Variants in ADK observed in about 807,000 individuals in gnomAD.
ADK encodes adenosine kinase.
A neutral mutation model predicts 44.7 loss-of-function variants in ADK; 24 were observed. That is an observed-to-expected ratio of 0.54 (90% CI 0.39 to 0.76). ADK has a LOEUF of 0.76. Ranked by LOEUF, ADK falls within the 30% of genes least tolerant of loss-of-function variation. The pLI, the probability that ADK is intolerant of heterozygous loss-of-function variation, is 0.00. For synonymous variants in ADK, 128 were observed against 142.6 expected, an observed-to-expected ratio of 0.90 and a Z score of 0.73; for missense variants, 321 against 425.1, an observed-to-expected ratio of 0.76 and a Z score of 2.15.
At chr10:74,301,211 T>C (rs1684655319) in intron 3 of ADK, among the ~76,000 whole-genome samples, 1 of 152,192 alleles carries the variant, frequency 6.6e-6, no homozygotes, top group Non-Finnish European at 1.5e-5. Flanking sequence ...TGCGATCAAT[T>C]TTGATTGATA....
At chr10:74,599,750 T>A (rs1852051788) in intron 8 of ADK, among the ~76,000 whole-genome samples, 2 of 152,188 alleles carry the variant, frequency 1.3e-5, no homozygotes, top group Admixed American at 6.5e-5. Context: ...AGTTTGACAA[T>A]TAGTTTGTCA....
rs796817586 is a variant in ADK at position 74,514,792 on chromosome 10, T to C, written c.556-10464T>C. On this transcript the variant is annotated intron_variant, in intron 6 of 10. Coordinates refer to ENST00000539909, the MANE Select transcript of ADK (RefSeq NM_006721.4). ...GAGTCTGTTACTAGATAATTATTGT[T>C]TTCCTTTTGACATTACATGTTTTCT... Among the ~76,000 whole-genome samples the C allele has an allele frequency of 3.9e-5, 6 of 152,298 alleles. No individual in the cohort carries two copies. In the South Asian group the frequency reaches 6.2e-4, roughly 16 times the overall value.
intron 10 of ADK, among the ~76,000 whole-genome samples, chr10:74,683,530 CAGATA>C (rs1349781538): frequency 6.6e-6 from 1 of 152,118 alleles, no homozygotes; most frequent in Non-Finnish European, 1.5e-5. Flanking sequence ...ACAGGTATTC[CAGATA>C]ACTTGGATAG....
chr10:74,161,095 A>C (rs1210560038), intron 1 of ADK, among the ~76,000 whole-genome samples: 1 of 152,154 alleles, frequency 6.6e-6, no homozygotes, highest in African/African-American at 2.4e-5. Flanking sequence ...GTTTTATCTC[A>C]CCTATTGCTA....
chr10:74,673,396 G>T (rs1459966511), intron 10 of ADK, among the ~76,000 whole-genome samples: 1 of 152,190 alleles, frequency 6.6e-6, no homozygotes, highest in East Asian at 1.9e-4. Flanking sequence ...CAGTGTGTGG[G>T]CGCAGGAACT....
chr10:74,504,844 C>T (rs577317619), intron 6 of ADK, among the ~76,000 whole-genome samples: 105 of 152,242 alleles, frequency 6.9e-4, no homozygotes, highest in Middle Eastern at 3.4e-3. Context: ...CCCCTTCTGC[C>T]ATGATTGTGT....
intron 7 of ADK, among the ~76,000 whole-genome samples, chr10:74,526,391 T>C (rs935550345): frequency 5.9e-5 from 9 of 152,194 alleles, no homozygotes; most frequent in African/African-American, 2.2e-4. Flanking sequence ...TATACCTCTT[T>C]AAAAATCCAT....
At chr10:74,502,090 A>G (rs2133452788) in intron 6 of ADK, among the ~76,000 whole-genome samples, 1 of 152,256 alleles carries the variant, frequency 6.6e-6, no homozygotes, top group East Asian at 1.9e-4. Flanking sequence ...CACAAATGAA[A>G]AAACTAAAAC....
chr10:74,158,006 A>T (rs530196417), intron 1 of ADK, among the ~76,000 whole-genome samples: 1 of 152,256 alleles, frequency 6.6e-6, no homozygotes, highest in South Asian at 2.1e-4. Context: ...TTTAAGAAAG[A>T]CCAGTTCTCA....
At chr10:74,426,305 G>A (rs1006643028) in intron 6 of ADK, among the ~76,000 whole-genome samples, 2 of 152,100 alleles carry the variant, frequency 1.3e-5, no homozygotes, top group Non-Finnish European at 2.9e-5. Flanking sequence ...AAATAATTTT[G>A]TGAAGGTTAT....
At chr10:74,170,817 A>T (rs1842143460) in intron 1 of ADK, among the ~76,000 whole-genome samples, 1 of 150,808 alleles carries the variant, frequency 6.6e-6, no homozygotes, top group Admixed American at 6.6e-5. Flanking sequence ...AAAAAAAAAG[A>T]AAAAAGATAG....
intron 1 of ADK, 27 bp downstream of exon 1, chr10:74,151,370 G>C: frequency 1.3e-6 from 2 of 1,549,270 alleles, no homozygotes; most frequent in Non-Finnish European, 1.7e-6. Flanking sequence ...TTGGGGAGGA[G>C]GGTGACGGCG....
intron 6 of ADK, among the ~76,000 whole-genome samples, chr10:74,492,006 A>T (rs964069210): frequency 6.6e-6 from 1 of 152,158 alleles, no homozygotes; most frequent in Non-Finnish European, 1.5e-5. Flanking sequence ...AGTTTAATGA[A>T]TTCCCATATG....
intron 3 of ADK, among the ~76,000 whole-genome samples, chr10:74,247,690 T>C (rs1350824340): frequency 2.6e-5 from 4 of 152,094 alleles, no homozygotes; most frequent in Admixed American, 2.6e-4. Flanking sequence ...TAAAATGGTG[T>C]TTTTTTAAAC....
intron 6 of ADK, among the ~76,000 whole-genome samples, chr10:74,459,621 C>T (rs917637737): frequency 4.1e-5 from 6 of 148,092 alleles, no homozygotes; most frequent in Non-Finnish European, 4.5e-5. Flanking sequence ...CCCACCTGCT[C>T]GGGAGGCTGA....
rs200685340 is a variant in ADK at position 74,370,198 on chromosome 10, A to G, written c.274-23943A>G. 3.9e-5 allele frequency among the ~76,000 whole-genome samples: 6 copies of G among 152,230 alleles called. No homozygotes were observed. The East Asian group carries it at 1.2e-3, about 29-fold the overall frequency. ...AATTGATTAATTGTGCATCAGCTAT[A>G]TACATAAGCCAAAACTTAAACAATT... On this transcript the variant is annotated intron_variant, in intron 4 of 10. Coordinates refer to ENST00000539909, the MANE Select transcript of ADK (RefSeq NM_006721.4).
At chr10:74,568,002 TTC>T (rs751738230) in intron 7 of ADK, among the ~76,000 whole-genome samples, 69 of 152,174 alleles carry the variant, frequency 4.5e-4, no homozygotes, top group Middle Eastern at 3.4e-3. Flanking sequence ...CCAGGCCCTA[TTC>T]TCTCTCTTTT....
intron 6 of ADK, among the ~76,000 whole-genome samples, chr10:74,484,158 G>A (rs567330801): frequency 2.6e-5 from 4 of 152,262 alleles, no homozygotes; most frequent in South Asian, 2.1e-4. Context: ...TCATAGTTCC[G>A]CAGGCTCTAC....
In ADK at chr10:74,356,002, A is replaced by ATT. The variant is rs34454856; in HGVS notation, c.274-38113_274-38112dup. Among the ~76,000 whole-genome samples the ATT allele has an allele frequency of 6.4e-4, 53 of 83,294 alleles. 5 individuals are homozygous for ATT. The highest frequency in any genetic ancestry group is 6.8e-3 in the Middle Eastern group (1 of 146). The allele number at this position is 83,294 out of a possible 152,430, so 54.6% of individuals were successfully genotyped here. A position where few individuals can be genotyped will look rare whatever the true frequency, so the allele number is the denominator to read the frequency against. On this transcript the variant is annotated intron_variant, in intron 4 of 10. Transcript: ENST00000539909. ...TCTGAAATATTTCACTAAATAATTC[A>ATT]TTTTTTTTTTTTTTTTTTTTTTTTT... is the stretch of plus-strand genomic sequence containing the variant.
Sources: gnomAD v4.1 joint callset for allele counts (sites outside exome capture counted in the v4.1 genomes callset) on GRCh38, gnomAD v4.1.1 for gene constraint, MANE v1.5 for transcripts, NCBI Gene and HGNC (gene_info 2026-07-23, HGNC 2026-07-21) for gene names.